Variants in PARD3 observed in about 807,000 individuals in gnomAD.
PARD3 encodes the protein par-3 family cell polarity regulator.
Under a neutral mutation model 155.4 loss-of-function variants are expected in PARD3, and 75 were observed. The ratio of observed to expected loss-of-function variants is 0.48; its 90% CI spans 0.40 to 0.58. PARD3 has a LOEUF of 0.58. Ranked by LOEUF, PARD3 falls within the 20% of genes least tolerant of loss-of-function variation. The pLI, the probability that PARD3 is intolerant of heterozygous loss-of-function variation, is 0.00. For synonymous variants in PARD3, 576 were observed against 610.5 expected, an observed-to-expected ratio of 0.94 and a Z score of 0.83; for missense variants, 1,642 against 1,721.7, an observed-to-expected ratio of 0.95 and a Z score of 0.82.
chr10:34,312,345 T>C (rs768548210), intron 20 of PARD3: 1 of 1,612,390 alleles, frequency 6.2e-7, no homozygotes, highest in Non-Finnish European at 8.5e-7. Flanking sequence ...TTGAATCGCT[T>C]TGTTGTTCAT....
chr10:34,573,771 ACACACACACACAC>A (rs2086660831), intron 2 of PARD3, among the ~76,000 whole-genome samples: 1 of 151,228 alleles, frequency 6.6e-6, no homozygotes, highest in African/African-American at 2.4e-5. Flanking sequence ...ACACACACAC[ACACACACACACAC>A]AGAGAATCAG....
chr10:34,484,821 T>G (rs931644841), intron 3 of PARD3, among the ~76,000 whole-genome samples: 11 of 152,182 alleles, frequency 7.2e-5, no homozygotes, highest in African/African-American at 2.4e-4. Flanking sequence ...CCTATGAACC[T>G]TTTGCATTCT....
chr10:34,709,539 A>C (rs1035788945), intron 1 of PARD3, among the ~76,000 whole-genome samples: 6 of 152,344 alleles, frequency 3.9e-5, no homozygotes, highest in Admixed American at 3.9e-4. Flanking sequence ...CGTGACTCTA[A>C]ACCAGGATGG....
chr10:34,353,176 G>A (rs1050026232), intron 14 of PARD3, among the ~76,000 whole-genome samples: 2 of 152,178 alleles, frequency 1.3e-5, no homozygotes, highest in Non-Finnish European at 2.9e-5. Flanking sequence ...GGAGGGAGGT[G>A]GGGGGCGCGT....
chr10:34,415,156 T>C (rs544682892), intron 5 of PARD3, among the ~76,000 whole-genome samples: 2 of 152,154 alleles, frequency 1.3e-5, no homozygotes, highest in South Asian at 4.1e-4. Context: ...CTAATAAACA[T>C]CTAATAGAAT....
intron 2 of PARD3, among the ~76,000 whole-genome samples, chr10:34,689,816 T>A (rs956219170): frequency 2.0e-5 from 3 of 152,240 alleles, no homozygotes; most frequent in Non-Finnish European, 2.9e-5. Context: ...GTTTTGTGTA[T>A]AATCTAACAG....
At chr10:34,546,542 GTTGT>G (rs1376269576) in intron 2 of PARD3, among the ~76,000 whole-genome samples, 2 of 150,292 alleles carry the variant, frequency 1.3e-5, no homozygotes, top group East Asian at 2.0e-4. Context: ...GAATTTTGTT[GTTGT>G]TTTTTTTTGA....
chr10:34,245,665 T>C (rs1389161876), intron 22 of PARD3, among the ~76,000 whole-genome samples: 1 of 151,640 alleles, frequency 6.6e-6, no homozygotes, highest in East Asian at 1.9e-4. Flanking sequence ...AGAAATAGAA[T>C]CAATAACACT....
chr10:34,193,574 T>G (rs1398878227), intron 22 of PARD3, among the ~76,000 whole-genome samples: 1 of 152,230 alleles, frequency 6.6e-6, no homozygotes, highest in Non-Finnish European at 1.5e-5. Context: ...GCAAAGTGCA[T>G]CTTCTCATAC....
intron 22 of PARD3, among the ~76,000 whole-genome samples, chr10:34,244,654 T>TA (rs1953825560): frequency 6.6e-6 from 1 of 152,252 alleles, no homozygotes; most frequent in South Asian, 2.1e-4. Context: ...ATGTCATTGA[T>TA]ATGTTACTAA....
chr10:34,560,626 C>T (rs2085391750), intron 2 of PARD3, among the ~76,000 whole-genome samples: 1 of 152,180 alleles, frequency 6.6e-6, no homozygotes. Context: ...TTAATGTCAA[C>T]AGATGCAAGA....
intron 4 of PARD3, among the ~76,000 whole-genome samples, chr10:34,462,016 G>C (rs933813578): frequency 1.9e-4 from 29 of 152,324 alleles, no homozygotes; most frequent in Non-Finnish European, 1.9e-4. Flanking sequence ...AGTGAGCCCA[G>C]CCTATTGTAG....
intron 5 of PARD3, among the ~76,000 whole-genome samples, chr10:34,407,573 CA>C (rs1218170110): frequency 6.6e-6 from 1 of 152,196 alleles, no homozygotes; most frequent in African/African-American, 2.4e-5. Flanking sequence ...ATTTACCAAT[CA>C]GTGGTTACTT....
chr10:34,788,296 C>A (rs1841232157), intron 1 of PARD3, among the ~76,000 whole-genome samples: 1 of 152,092 alleles, frequency 6.6e-6, no homozygotes, highest in Non-Finnish European at 1.5e-5. Context: ...GTGTGTCACC[C>A]AGAAAGCGCA....
intron 22 of PARD3, among the ~76,000 whole-genome samples, chr10:34,189,850 C>A (rs201695130): frequency 2.1e-5 from 2 of 93,068 alleles, no homozygotes; most frequent in Non-Finnish European, 5.0e-5. Flanking sequence ...AGGAAAACCA[C>A]TGACAGTATT....
chr10:34,583,610 A>C (rs1468297603), intron 2 of PARD3, among the ~76,000 whole-genome samples: 14 of 152,112 alleles, frequency 9.2e-5, no homozygotes, highest in Non-Finnish European at 1.8e-4. Flanking sequence ...GGCCCAATCA[A>C]TCTGCCTTTA....
At chr10:34,435,743 A>G (rs2076156139) in intron 5 of PARD3, among the ~76,000 whole-genome samples, 1 of 152,226 alleles carries the variant, frequency 6.6e-6, no homozygotes, top group Non-Finnish European at 1.5e-5. Flanking sequence ...AAGACATAAC[A>G]GGAAAAAAGT....
intron 9 of PARD3, 52 bp from the exon 10 acceptor site, chr10:34,378,158 T>C (rs767611851): frequency 2.1e-6 from 3 of 1,398,878 alleles, no homozygotes; most frequent in South Asian, 2.6e-5. Flanking sequence ...TCTTGAATTT[T>C]ACAGGTGTAT....
intron 2 of PARD3, among the ~76,000 whole-genome samples, chr10:34,593,981 G>A (rs1462656215): frequency 1.3e-5 from 2 of 152,080 alleles, no homozygotes; most frequent in Non-Finnish European, 2.9e-5. Flanking sequence ...GGAATAATGG[G>A]GCATGGTTTT....
Sources: allele counts gnomAD v4.1 joint callset (sites outside exome capture counted in the v4.1 genomes callset), GRCh38; gene constraint gnomAD v4.1.1; transcripts MANE v1.5; gene names NCBI Gene and HGNC (gene_info 2026-07-23, HGNC 2026-07-21).